Variants in MPHOSPH9 observed in about 807,000 individuals in gnomAD.
MPHOSPH9 encodes the protein M-phase phosphoprotein 9.
Under a neutral mutation model 145.5 loss-of-function variants are expected in MPHOSPH9, and 88 were observed. That is an observed-to-expected ratio of 0.60 (90% CI 0.51 to 0.72). The LOEUF (loss-of-function observed/expected upper bound fraction) is 0.72. Ranked by LOEUF, MPHOSPH9 falls within the 30% of genes least tolerant of loss-of-function variation. MPHOSPH9 has a pLI of 0.00. For missense variants in MPHOSPH9, 1,238 were observed against 1,386.6 expected (o/e 0.89, Z 1.70); for synonymous variants, 435 against 486.2 (o/e 0.89, Z 1.39).
chr12:123,221,748 C>T lies in MPHOSPH9; in HGVS notation c.496G>A (p.Val166Ile), dbSNP rs2047209206. The T allele has an allele frequency of 5.0e-6, 8 of 1,613,990 alleles. No individual in the cohort carries two copies. The highest frequency in any genetic ancestry group is 6.8e-6 in the Non-Finnish European group (8 of 1,180,038). ...TCTGTGGATTCAGGATAATGGATAA[C>T]AGATTCATTTCTCTCACTGCTTAGA... Reference protein sequence around the residue: ...FSLSSERNESVIHYPESTEPE... With the variant: ...FSLSSERNESIIHYPESTEPE... The change falls in exon 5 of 24, where the codon GTT becomes ATT. Residue 166 changes from valine to isoleucine, a missense_variant. Physicochemically the swap from Val to Ile is conservative, Grantham distance 29. Transcript: ENST00000606320.
chr12:123,165,395 C>G lies in MPHOSPH9; in HGVS notation c.2674G>C (p.Asp892His), dbSNP rs775448176. ...TTTAAAGCTCTCATGATCGGCGTGT[C>G]TGAAGTCTCTCTTTGCTTTTTTATC... Reference protein sequence around the residue: ...LLIKKQRETSDTPIMRALKEL... With the variant: ...LLIKKQRETSHTPIMRALKEL... The change falls in exon 18 of 24, where the codon GAC (aspartate) becomes CAC (histidine). Residue 892 changes from aspartate to histidine, a missense_variant. Around this residue, in one of 3 missense-constraint regions of MPHOSPH9, gnomAD observed 393 missense variants for 462.5 expected, o/e 0.85. Coordinates refer to ENST00000606320, the MANE Select transcript of MPHOSPH9 (RefSeq NM_022782.4). The G allele has an allele frequency of 6.2e-7, 1 of 1,613,796 alleles. No homozygotes were observed. The highest frequency in any genetic ancestry group is 8.5e-7 in the Non-Finnish European group (1 of 1,179,930).
In MPHOSPH9 at chr12:123,230,317, A is replaced by C; in HGVS notation, c.48T>G (p.Ser16=). 6.5e-7 allele frequency: 1 copy of C among 1,534,486 alleles called. No individual in the cohort carries two copies. The highest frequency in any genetic ancestry group is 8.7e-7 in the Non-Finnish European group (1 of 1,145,678). The change falls in exon 2 of 24, where the codon TCT becomes TCG. Residue 16 remains serine, a synonymous_variant. Transcript: ENST00000606320. ...LVKTLHKTSS[S]VGSDENSLHS... ...GAAGAGAATTTTCATCAGATCCTACAGAAGATGAAGTTTTGTGTAAGGTTT... is the reference window on the plus strand; with the variant it reads ...GAAGAGAATTTTCATCAGATCCTACCGAAGATGAAGTTTTGTGTAAGGTTT...
chr12:123,219,882 T>C (rs904671360), intron 5 of MPHOSPH9, among the ~76,000 whole-genome samples: 1 of 151,980 alleles, frequency 6.6e-6, no homozygotes, highest in African/African-American at 2.4e-5. Context: ...AAATTCTTCT[T>C]ATACATAAAA....
chr12:123,197,679 G>A (rs534192568), intron 12 of MPHOSPH9, among the ~76,000 whole-genome samples: 14 of 152,086 alleles, frequency 9.2e-5, no homozygotes, highest in African/African-American at 3.4e-4. Flanking sequence ...CTACTAGGGA[G>A]GCTGAGGCAG....
intron 13 of MPHOSPH9, among the ~76,000 whole-genome samples, chr12:123,186,209 A>G (rs1043444437): frequency 6.1e-5 from 9 of 146,532 alleles, no homozygotes; most frequent in African/African-American, 1.0e-4. Flanking sequence ...CCTGGGCAAT[A>G]AGAGCAAAAC....
intron 16 of MPHOSPH9, 145 bp from the exon 17 acceptor site, chr12:123,166,934 T>A: frequency 1.1e-6 from 1 of 879,566 alleles, no homozygotes; most frequent in Non-Finnish European, 1.7e-6. Context: ...ATATTTTGGA[T>A]ACAATTTATT....
intron 13 of MPHOSPH9, among the ~76,000 whole-genome samples, chr12:123,183,273 C>T (rs542545885): frequency 6.6e-6 from 1 of 151,312 alleles, no homozygotes; most frequent in African/African-American, 2.4e-5. Flanking sequence ...GCTGGCCGGG[C>T]GTGGTAGCTC....
At chr12:123,180,686 A>T (rs1245541330) in intron 14 of MPHOSPH9, among the ~76,000 whole-genome samples, 1 of 152,176 alleles carries the variant, frequency 6.6e-6, no homozygotes, top group Non-Finnish European at 1.5e-5. Flanking sequence ...CAGCCTGGCC[A>T]ACATGGTGAA....
Position 123,194,586 on chromosome 12 carries a change from G to T in MPHOSPH9, c.2041C>A (p.Arg681Ser). ...LEIEVNDLRE[R>S]FSAASSASKI... The stretch of plus-strand genomic sequence containing the variant: ...GAAGCACTGCTGGCTGCACTGAAGC[G>T]TTCTCTCAAATCATTCTATAAAACA... Residue 681 changes from arginine to serine, a missense_variant, in exon 13 of 24, where the codon CGC becomes AGC. Physicochemically the swap from Arg to Ser is moderately radical, Grantham distance 110. Transcript: ENST00000606320. The T allele has an allele frequency of 6.3e-7, 1 of 1,588,534 alleles. No individual in the cohort carries two copies. Among genetic ancestry groups the T allele is most frequent in the Non-Finnish European group, 8.5e-7 (1 of 1,172,942 alleles).
At chr12:123,166,397 C>T (rs1472679495) in intron 17 of MPHOSPH9, 3 of 453,902 alleles carry the variant, frequency 6.6e-6, no homozygotes, top group African/African-American at 4.1e-5. Flanking sequence ...TGAGCCACCA[C>T]ACCTGGCCTG....
At chr12:123,161,410 T>C (rs896722635) in intron 21 of MPHOSPH9, 27 bp from the exon 22 acceptor site, 2 of 1,610,004 alleles carry the variant, frequency 1.2e-6, no homozygotes, top group East Asian at 2.2e-5. Flanking sequence ...AAATTGCTTA[T>C]ATTTCTTATC....
intron 13 of MPHOSPH9, among the ~76,000 whole-genome samples, chr12:123,184,648 C>T (rs1593125914): frequency 6.6e-6 from 1 of 151,966 alleles, no homozygotes; most frequent in African/African-American, 2.4e-5. Flanking sequence ...CAGGCATCCG[C>T]TACCACGCCC....
At chr12:123,179,871 G>A in intron 15 of MPHOSPH9, 55 bp downstream of exon 15, 1 of 949,102 alleles carries the variant, frequency 1.1e-6, no homozygotes, top group Non-Finnish European at 1.6e-6. Context: ...GTTCAATACA[G>A]ACACATAAAA....
At chr12:123,199,665 C>T (rs2046130154) in intron 11 of MPHOSPH9, among the ~76,000 whole-genome samples, 1 of 151,654 alleles carries the variant, frequency 6.6e-6, no homozygotes, top group Non-Finnish European at 1.5e-5. Flanking sequence ...TGGTGGCGGG[C>T]GCCTGTAGTC....
At chr12:123,190,382 G>A (rs2045627380) in intron 13 of MPHOSPH9, among the ~76,000 whole-genome samples, 1 of 152,100 alleles carries the variant, frequency 6.6e-6, no homozygotes, top group Non-Finnish European at 1.5e-5. Flanking sequence ...TTGATCTCCT[G>A]ACTCTGATCC....
At chr12:123,200,207 C>T (rs1183274986) in intron 11 of MPHOSPH9, among the ~76,000 whole-genome samples, 2 of 137,470 alleles carry the variant, frequency 1.5e-5, no homozygotes, top group East Asian at 2.5e-4. Flanking sequence ...AGTGTATACA[C>T]TGATAACAAT....
chr12:123,230,984 G>A (rs947199172), intron 1 of MPHOSPH9, among the ~76,000 whole-genome samples: 33 of 152,258 alleles, frequency 2.2e-4, no homozygotes, highest in African/African-American at 7.9e-4. Flanking sequence ...GGTGATGGCT[G>A]CACAACCTTG....
At chr12:123,236,430 C>CA (rs573345538), upstream of MPHOSPH9, among the ~76,000 whole-genome samples, 717 of 151,824 alleles carry the variant, frequency 4.7e-3, 8 homozygotes, top group Middle Eastern at 0.02. Flanking sequence ...CCCATCTCTA[C>CA]AAAAAATTAA....
rs576832776 is a variant in MPHOSPH9, at chr12:123,154,555, G to A, written c.*2252C>T. 8.5e-5 allele frequency: 13 copies of A among 152,230 alleles called. No homozygotes were observed. Among genetic ancestry groups the A allele is most frequent in the South Asian group, 4.1e-4 (2 of 4,826 alleles). The allele number at this position is 152,230 out of a possible 1,614,324, so 9.4% of individuals were successfully genotyped here. A position where few individuals can be genotyped will look rare whatever the true frequency, so the allele number is the denominator to read the frequency against. On this transcript the variant is annotated 3_prime_UTR_variant, in exon 24 of 24. Coordinates refer to ENST00000606320, the MANE Select transcript of MPHOSPH9 (RefSeq NM_022782.4). ...AGAAGATGTTTTGATGGAGGTTAAC[G>A]CCTTTTTTGGAATAAGCCAATATAG...
Sources: gnomAD v4.1 joint callset for allele counts (sites outside exome capture counted in the v4.1 genomes callset) on GRCh38, gnomAD v4.1.1 for gene constraint, gnomAD v4.1.1 regional missense constraint, MANE v1.5 for transcripts, NCBI Gene and HGNC (gene_info 2026-07-23, HGNC 2026-07-21) for gene names.